Variants in SMARCC1 observed in about 807,000 individuals in gnomAD.
SMARCC1 encodes SWI/SNF complex subunit SMARCC1.
A neutral mutation model predicts 147.4 loss-of-function variants in SMARCC1; 43 were observed. That is an observed-to-expected ratio of 0.29 (90% CI 0.23 to 0.38). SMARCC1 has a LOEUF of 0.38. SMARCC1 is among the 10% of genes least tolerant of loss of function. SMARCC1 has a pLI of 1.00. For missense variants in SMARCC1, 1,119 were observed against 1,381.1 expected (o/e 0.81, Z 3.01); for synonymous variants, 495 against 484.4 (o/e 1.02, Z -0.29).
At chr3:47,600,108 A>G (rs2032359937) in intron 26 of SMARCC1, among the ~76,000 whole-genome samples, 2 of 152,232 alleles carry the variant, frequency 1.3e-5, no homozygotes, top group African/African-American at 4.8e-5. Context: ...AAGCCTTGTG[A>G]AAAAGATTCT....
intron 14 of SMARCC1, among the ~76,000 whole-genome samples, chr3:47,681,686 T>C (rs1239878626): frequency 6.6e-6 from 1 of 152,130 alleles, no homozygotes; most frequent in African/African-American, 2.4e-5. Flanking sequence ...TTTGGTAACA[T>C]TTAAATTAAA....
chr3:47,624,168 G>A lies in SMARCC1; in HGVS notation c.2647-1827C>T, dbSNP rs192359349. On this transcript the variant is annotated intron_variant, in intron 24 of 27. Transcript: ENST00000254480. Reference sequence around the variant, plus strand: ...TAGCTGGGTGTGGTGGTGCATGTCTGTAATCCCAGCTACTCGGGAGGCTGA... The same window carrying A: ...TAGCTGGGTGTGGTGGTGCATGTCTATAATCCCAGCTACTCGGGAGGCTGA... Among the ~76,000 whole-genome samples, 59 of 152,072 alleles carry A rather than the reference G, an allele frequency of 3.9e-4. 1 individual carries two copies. The East Asian group carries it at 6.2e-3, about 16-fold the overall frequency.
At chr3:47,781,579 G>C in intron 1 of SMARCC1, 24 bp downstream of exon 1, 1 of 1,496,868 alleles carries the variant, frequency 6.7e-7, no homozygotes, top group Non-Finnish European at 8.9e-7. Flanking sequence ...TGGTCTCCCG[G>C]CCCCCACGGG....
intron 11 of SMARCC1, among the ~76,000 whole-genome samples, chr3:47,693,909 C>T (rs1281465940): frequency 6.6e-6 from 1 of 152,202 alleles, no homozygotes; most frequent in Non-Finnish European, 1.5e-5. Context: ...GCAATCCATT[C>T]GCATCAGCCT....
chr3:47,614,554 C>T (rs1023872446), intron 25 of SMARCC1, among the ~76,000 whole-genome samples: 2 of 152,156 alleles, frequency 1.3e-5, no homozygotes, highest in African/African-American at 4.8e-5. Context: ...TAAAATATAA[C>T]AAATTTTTCT....
intron 21 of SMARCC1, among the ~76,000 whole-genome samples, chr3:47,659,117 C>CAAA (rs35464509): frequency 3.0e-4 from 29 of 96,650 alleles, no homozygotes; most frequent in East Asian, 5.6e-4. Context: ...GACTCTGTCT[C>CAAA]AAAAAAAAAA....
intron 21 of SMARCC1, among the ~76,000 whole-genome samples, chr3:47,641,840 T>C (rs948733161): frequency 2.0e-5 from 3 of 152,184 alleles, no homozygotes; most frequent in African/African-American, 4.8e-5. Flanking sequence ...TGGCGAGACA[T>C]AGCTCACTGC....
intron 14 of SMARCC1, among the ~76,000 whole-genome samples, chr3:47,684,591 C>T (rs943444066): frequency 1.3e-5 from 2 of 151,988 alleles, no homozygotes; most frequent in African/African-American, 4.8e-5. Flanking sequence ...CAGGCACCCA[C>T]CACCACGCCT....
At chr3:47,714,533 G>C (rs760087314) in intron 7 of SMARCC1, 43 bp from the exon 8 acceptor site, 1 of 955,864 alleles carries the variant, frequency 1.0e-6, no homozygotes, top group Non-Finnish European at 1.6e-6. Flanking sequence ...AGAGTCAAAG[G>C]TAATTCATTA....
intron 11 of SMARCC1, among the ~76,000 whole-genome samples, chr3:47,694,497 G>C (rs749806988): frequency 4.6e-5 from 7 of 152,266 alleles, no homozygotes; most frequent in Non-Finnish European, 7.4e-5. Context: ...CTGCTCGGGA[G>C]GCTAAGGCAA....
chr3:47,618,171 C>A (rs2032673236), intron 25 of SMARCC1, among the ~76,000 whole-genome samples: 1 of 151,928 alleles, frequency 6.6e-6, no homozygotes, highest in Non-Finnish European at 1.5e-5. Flanking sequence ...ATTTTCCCAA[C>A]ATTTTCAGCT....
intron 21 of SMARCC1, among the ~76,000 whole-genome samples, chr3:47,648,345 A>G (rs1328869171): frequency 1.3e-5 from 2 of 151,992 alleles, no homozygotes; most frequent in Non-Finnish European, 2.9e-5. Flanking sequence ...TTTTTTGTGA[A>G]GCATTCCTCC....
At chr3:47,701,208 T>A (rs550699275) in intron 11 of SMARCC1, 70 bp downstream of exon 11, 1 of 1,347,892 alleles carries the variant, frequency 7.4e-7, no homozygotes, top group Non-Finnish European at 1.0e-6. Context: ...CAGCAAGCAA[T>A]GAATCATCCC....
At chr3:47,652,928 G>A (rs1332595016) in intron 21 of SMARCC1, among the ~76,000 whole-genome samples, 2 of 150,626 alleles carry the variant, frequency 1.3e-5, no homozygotes, top group African/African-American at 4.9e-5. Flanking sequence ...GGTGTTTTGA[G>A]TGTTCATCCA....
At chr3:47,673,191 C>A (rs894297095) in intron 18 of SMARCC1, among the ~76,000 whole-genome samples, 1 of 151,646 alleles carries the variant, frequency 6.6e-6, no homozygotes, top group Non-Finnish European at 1.5e-5. Flanking sequence ...CAAGACAAAC[C>A]AGGACAACAC....
At chr3:47,770,932 G>T (rs1472977762) in intron 2 of SMARCC1, among the ~76,000 whole-genome samples, 1 of 151,826 alleles carries the variant, frequency 6.6e-6, no homozygotes, top group East Asian at 1.9e-4. Flanking sequence ...ATTTTTTTGA[G>T]ATGGAGTCTC....
chr3:47,598,286 A>G (rs988563644), intron 26 of SMARCC1, among the ~76,000 whole-genome samples: 3 of 152,152 alleles, frequency 2.0e-5, no homozygotes, highest in Non-Finnish European at 4.4e-5. Flanking sequence ...TTTAAAACTA[A>G]AAAGTACAAT....
At chr3:47,681,394 CAG>C (rs1293138504) in intron 14 of SMARCC1, among the ~76,000 whole-genome samples, 1 of 152,128 alleles carries the variant, frequency 6.6e-6, no homozygotes, top group Non-Finnish European at 1.5e-5. Flanking sequence ...AATAATATCA[CAG>C]AAGTACATTT....
intron 14 of SMARCC1, among the ~76,000 whole-genome samples, chr3:47,682,626 G>A (rs1022552719): frequency 6.6e-6 from 1 of 152,020 alleles, no homozygotes; most frequent in Non-Finnish European, 1.5e-5. Flanking sequence ...TTGTACTAAC[G>A]AGTTTTAAAG....
Sources: allele counts gnomAD v4.1 joint callset (sites outside exome capture counted in the v4.1 genomes callset), GRCh38; gene constraint gnomAD v4.1.1; transcripts MANE v1.5; gene names NCBI Gene and HGNC (gene_info 2026-07-23, HGNC 2026-07-21).